CDH23: variants seen among roughly 807,000 people sequenced by gnomAD.
The protein encoded by CDH23 is cadherin-23.
CDH23 carries 189 observed loss-of-function variants against 317.1 expected under a neutral mutation model. The ratio of observed to expected loss-of-function variants is 0.60; its 90% CI spans 0.53 to 0.67. The LOEUF is 0.67. Among genes scored for constraint, CDH23 ranks in the 30% least tolerant of loss-of-function variants. CDH23 has a pLI of 0.00. For synonymous variants in CDH23, 1,839 were observed against 1,876.8 expected (o/e 0.98, Z 0.52); for missense variants, 4,401 against 4,592.4 (o/e 0.96, Z 1.20).
At chr10:71,494,803 G>C (rs558160810) in intron 3 of CDH23, among the ~76,000 whole-genome samples, 7 of 152,158 alleles carry the variant, frequency 4.6e-5, no homozygotes, top group Non-Finnish European at 8.8e-5. Context: ...TGCTACCCCG[G>C]CACCCATAAC....
In CDH23 at chr10:71,803,397, G is replaced by T. The variant is rs369379727; in HGVS notation, c.7849G>T (p.Gly2617Cys). 6.3e-7 allele frequency: 1 copy of T among 1,596,698 alleles called. No homozygotes were observed. Among genetic ancestry groups the T allele is most frequent in the Non-Finnish European group, 8.5e-7 (1 of 1,172,418 alleles). ...CCCTGTCTTTGTGCGCCCACCCAACGGCACCATCCTCCACATCAGAGAGGT... is the reference window on the plus strand; with the variant it reads ...CCCTGTCTTTGTGCGCCCACCCAACTGCACCATCCTCCACATCAGAGAGGT... Reference protein sequence around the residue: ...NRPVFVRPPNGTILHIREEIP... With the variant: ...NRPVFVRPPNCTILHIREEIP... Residue 2617 changes from glycine (G) to cysteine (C), a missense_variant, in exon 55 of 70, where the codon GGC becomes TGC. Gly to Cys is a radical substitution (Grantham distance 159, BLOSUM62 -3). Around this residue, in one of 3 missense-constraint regions of CDH23, gnomAD observed 1,144 missense variants for 1,138.2 expected, o/e 1.01. Transcript: ENST00000224721.
At chr10:71,680,206 T>C (rs1473499140) in intron 17 of CDH23, among the ~76,000 whole-genome samples, 1 of 152,240 alleles carries the variant, frequency 6.6e-6, no homozygotes, top group Non-Finnish European at 1.5e-5. Context: ...GTTTGTTCCT[T>C]CTGCCAGGAA....
At chr10:71,526,686 A>T (rs1455160098) in intron 6 of CDH23, among the ~76,000 whole-genome samples, 2 of 152,170 alleles carry the variant, frequency 1.3e-5, no homozygotes, top group African/African-American at 2.4e-5. Context: ...GGGGTACTGG[A>T]TGGAGGGGAA....
intron 20 of CDH23, among the ~76,000 whole-genome samples, chr10:71,693,689 G>A (rs1056061372): frequency 2.6e-5 from 4 of 152,146 alleles, no homozygotes; most frequent in African/African-American, 4.8e-5. Flanking sequence ...GCCCTATGAG[G>A]TAGTTCCTAT....
chr10:71,634,590 G>A (rs1165583348), intron 11 of CDH23, among the ~76,000 whole-genome samples: 5 of 152,250 alleles, frequency 3.3e-5, no homozygotes, highest in Admixed American at 1.3e-4. Flanking sequence ...AGTTTTCCAC[G>A]TGGGCCAGGT....
intron 3 of CDH23, among the ~76,000 whole-genome samples, chr10:71,467,503 C>T (rs565858262): frequency 3.9e-4 from 59 of 152,278 alleles, no homozygotes; most frequent in Admixed American, 1.8e-3. Context: ...AATCCTTTAA[C>T]GCACCCCCAG....
At position 71,440,103 on chromosome 10, in the gene CDH23, A is replaced by G. The variant is rs117165761; in HGVS notation, c.67+205A>G. 1.2e-3 allele frequency among the ~76,000 whole-genome samples: 184 copies of G among 152,312 alleles called. 1 individual carries two copies. Among genetic ancestry groups the G allele is most frequent in the East Asian group, 7.9e-3 (41 of 5,186 alleles). On this transcript the variant is annotated intron_variant, in intron 2 of 69. Coordinates refer to ENST00000224721, the MANE Select transcript of CDH23 (RefSeq NM_022124.6). ...AGGGCTGAAAATACCAGCTGTCCCC[A>G]AAGCCTGGGACACAAGAGGGAATGG... is the stretch of plus-strand genomic sequence containing the variant.
intron 28 of CDH23, among the ~76,000 whole-genome samples, chr10:71,722,797 C>G (rs937446266): frequency 1.3e-5 from 2 of 152,182 alleles, no homozygotes; most frequent in Admixed American, 1.3e-4. Flanking sequence ...AGGGCAGAAG[C>G]CATGAGGCCA....
rs184096522 is a variant in CDH23, at chr10:71,490,554, C to T, written c.146-19528C>T. On this transcript the variant is annotated intron_variant, in intron 3 of 69. Coordinates refer to ENST00000224721, the MANE Select transcript of CDH23 (RefSeq NM_022124.6). ...CATATTACATAGGAGGAAATTGAGG[C>T]CCAAAGAGGCCAAGTAACTTTCCAA... Among the ~76,000 whole-genome samples, 1,077 of 152,236 alleles carry T rather than the reference C, an allele frequency of 7.1e-3. 18 individuals are homozygous for T. Among genetic ancestry groups the T allele is most frequent in the Middle Eastern group, 0.031 (9 of 294 alleles).
At chr10:71,566,717 G>C (rs771715692) in intron 6 of CDH23, 25 bp from the exon 7 acceptor site, 1 of 1,565,756 alleles carries the variant, frequency 6.4e-7, no homozygotes. Context: ...GCTCACCCTT[G>C]TACTTGCTTT....
chr10:71,584,578 G>C lies in CDH23; in HGVS notation c.832+6586G>C, dbSNP rs138113802. On this transcript the variant is annotated intron_variant, in intron 9 of 69. Transcript: ENST00000224721. ...TGTGTGTGTGTGTGTGTGTGTGTACGCAGGGAGAATAATCAGATACAGTCA... is the reference window on the plus strand; with the variant it reads ...TGTGTGTGTGTGTGTGTGTGTGTACCCAGGGAGAATAATCAGATACAGTCA... 1.9e-3 allele frequency among the ~76,000 whole-genome samples: 277 copies of C among 149,428 alleles called. 6 individuals carry two copies. The highest frequency in any genetic ancestry group is 0.018 in the Admixed American group (276 of 15,022).
At chr10:71,403,875 A>G (rs1235325518) in intron 1 of CDH23, among the ~76,000 whole-genome samples, 1 of 151,242 alleles carries the variant, frequency 6.6e-6, no homozygotes, top group Non-Finnish European at 1.5e-5. Context: ...GGATCATTTG[A>G]GGTCAGGAGC....
rs543315568 is a variant in CDH23 at position 71,644,188 on chromosome 10, C to G, written c.1140+322C>G. Reference sequence around the variant, plus strand: ...CCCAGAGGAGCCTTGCCCCCACATCCCCTGGGGAGCCACTTTGGGCTGGGG... The same window carrying G: ...CCCAGAGGAGCCTTGCCCCCACATCGCCTGGGGAGCCACTTTGGGCTGGGG... On this transcript the variant is annotated intron_variant, in intron 12 of 69. Coordinates refer to ENST00000224721, the MANE Select transcript of CDH23 (RefSeq NM_022124.6). Among the ~76,000 whole-genome samples the G allele has an allele frequency of 2.6e-5, 4 of 152,388 alleles. No homozygotes were observed. In the South Asian group the frequency reaches 8.3e-4, roughly 32 times the overall value.
intron 9 of CDH23, among the ~76,000 whole-genome samples, chr10:71,612,252 A>G (rs3061382): frequency 2.6e-4 from 20 of 77,172 alleles, no homozygotes; most frequent in South Asian, 4.2e-4. Flanking sequence ...GTGTGTGTGT[A>G]TGTATGTGTG....
At chr10:71,634,970 G>A (rs749081869) in intron 11 of CDH23, among the ~76,000 whole-genome samples, 25 of 152,218 alleles carry the variant, frequency 1.6e-4, no homozygotes, top group African/African-American at 2.4e-5. Context: ...AGAGGTCCAG[G>A]GTCTGGAATG....
intron 38 of CDH23, among the ~76,000 whole-genome samples, chr10:71,753,600 C>T (rs1840060883): frequency 2.0e-5 from 3 of 152,212 alleles, no homozygotes; most frequent in Non-Finnish European, 2.9e-5. Context: ...TCACTTTCTG[C>T]TTCTCATCCA....
At chr10:71,790,922 A>C in intron 46 of CDH23, 2 of 595,770 alleles carry the variant, frequency 3.4e-6, no homozygotes, top group South Asian at 4.0e-5. Flanking sequence ...TGCAGAGGGG[A>C]CAACCACAGG....
At chr10:71,707,623 T>G (rs1205669176) in intron 26 of CDH23, 1 of 794,226 alleles carries the variant, frequency 1.3e-6, no homozygotes, top group Non-Finnish European at 1.5e-6. Flanking sequence ...AGTGGTAGGA[T>G]TGGTAGATGG....
intron 3 of CDH23, among the ~76,000 whole-genome samples, chr10:71,448,858 C>G (rs1033534036): frequency 2.6e-5 from 4 of 152,112 alleles, no homozygotes; most frequent in Non-Finnish European, 5.9e-5. Context: ...CGTGTGGGCT[C>G]CATGGGTGCA....
Sources: gnomAD v4.1 joint callset for allele counts (sites outside exome capture counted in the v4.1 genomes callset) on GRCh38, gnomAD v4.1.1 for gene constraint, gnomAD v4.1.1 regional missense constraint, MANE v1.5 for transcripts, NCBI Gene and HGNC (gene_info 2026-07-23, HGNC 2026-07-21) for gene names.